YTHDF3: variants seen among roughly 807,000 people sequenced by gnomAD.
YTHDF3 encodes the protein YTH N6-methyladenosine RNA binding protein F3, also known as YTH domain-containing family protein 3.
In YTHDF3, 9 loss-of-function variants were observed where a neutral mutation model predicts 52.5. The ratio of observed to expected loss-of-function variants is 0.17; its 90% confidence interval spans 0.10 to 0.30. The LOEUF (loss-of-function observed/expected upper bound fraction) is 0.30. Ranked by LOEUF, YTHDF3 falls within the 10% of genes least tolerant of loss-of-function variation. The probability of loss-of-function intolerance (pLI) is 1.00; values close to 1 mark genes in which losing one functional copy is unlikely to be tolerated. For missense variants in YTHDF3, 534 were observed against 715.0 expected (o/e 0.75, Z 2.89); for synonymous variants, 274 against 243.3 (o/e 1.13, Z -1.18).
intron 4 of YTHDF3, among the ~76,000 whole-genome samples, chr8:63,189,958 A>G (rs909296839): frequency 6.6e-6 from 1 of 152,202 alleles, no homozygotes; most frequent in East Asian, 1.9e-4. Context: ...TGGGATCAAA[A>G]GTAGCTACTG....
chr8:63,169,553 G>A lies in YTHDF3; in HGVS notation c.49+142G>A, dbSNP rs979965369. On this transcript the variant is annotated intron_variant, in intron 2 of 4. Transcript: ENST00000539294. The stretch of plus-strand genomic sequence containing the variant: ...GAAAATATTCATCATGGCTAAGGTA[G>A]CCAAGTTCTATCCAGAACTTCGGTA... 2.6e-5 allele frequency: 24 copies of A among 916,134 alleles called. No individual in the cohort carries two copies. In the East Asian group the frequency reaches 6.4e-4, roughly 24 times the overall value. 56.8% of individuals were successfully genotyped at this position (916,134 alleles called of 1,614,324 possible).
intron 4 of YTHDF3, among the ~76,000 whole-genome samples, chr8:63,204,912 T>C (rs1809914699): frequency 6.6e-6 from 1 of 152,230 alleles, no homozygotes; most frequent in Admixed American, 6.5e-5. Flanking sequence ...AAGTCATTTA[T>C]CTGTCTTGTC....
In YTHDF3 at chr8:63,186,950, G is replaced by A. The variant is rs1451226955; in HGVS notation, c.939G>A (p.Leu313=). ...QPQPLIQPPP[L]VQSQLPQQQP... ...AGCCATTAATTCAACCACCACCATT[G>A]GTGCAAAGCCAACTGCCTCAACAGC... Residue 313 remains leucine, a synonymous_variant, in exon 4 of 5, where the codon TTG becomes TTA. Coordinates refer to ENST00000539294, the MANE Select transcript of YTHDF3 (RefSeq NM_152758.6). The A allele has an allele frequency of 6.2e-7, 1 of 1,613,818 alleles. No individual in the cohort carries two copies. Among genetic ancestry groups the A allele is most frequent in the African/African-American group, 1.3e-5 (1 of 75,018 alleles).
intron 3 of YTHDF3, 44 bp from the exon 4 acceptor site, chr8:63,186,103 T>C: frequency 6.6e-7 from 1 of 1,523,906 alleles, no homozygotes; most frequent in Non-Finnish European, 8.9e-7. Context: ...TTTTGCTCTT[T>C]TAAGAGGACA....
At chr8:63,172,476 G>T (rs188800766) in intron 2 of YTHDF3, among the ~76,000 whole-genome samples, 197 of 152,054 alleles carry the variant, frequency 1.3e-3, no homozygotes, top group Middle Eastern at 3.4e-3. Flanking sequence ...TTTAATTTTC[G>T]AAAAGTAGTG....
At chr8:63,168,989 C>G in intron 1 of YTHDF3, 88 bp downstream of exon 1, 1 of 1,510,050 alleles carries the variant, frequency 6.6e-7, no homozygotes, top group Non-Finnish European at 8.8e-7. Flanking sequence ...CCCGTCGCCG[C>G]CGCTGCCGGC....
intron 4 of YTHDF3, among the ~76,000 whole-genome samples, chr8:63,193,000 G>T (rs1427674404): frequency 6.6e-6 from 1 of 152,008 alleles, no homozygotes; most frequent in Non-Finnish European, 1.5e-5. Flanking sequence ...CTCAACCTTG[G>T]GGGAGGCAGC....
At chr8:63,206,922 ATTCTT>A (rs1810070916) in intron 4 of YTHDF3, among the ~76,000 whole-genome samples, 1 of 152,068 alleles carries the variant, frequency 6.6e-6, no homozygotes, top group Non-Finnish European at 1.5e-5. Context: ...CTGTGTACTA[ATTCTT>A]TGACATTTAC....
chr8:63,169,490 T>G (rs2129941128), intron 2 of YTHDF3, 79 bp downstream of exon 2: 1 of 1,461,104 alleles, frequency 6.8e-7, no homozygotes, highest in East Asian at 2.4e-5. Flanking sequence ...GTATTTTGTT[T>G]GTTTTTGCTC....
chr8:63,178,341 CTA>C (rs1056191101), intron 3 of YTHDF3, among the ~76,000 whole-genome samples: 28 of 151,596 alleles, frequency 1.8e-4, no homozygotes, highest in Non-Finnish European at 3.5e-4. Flanking sequence ...TTTATCTGTT[CTA>C]TATATTGGAA....
rs1393887981 is a variant in YTHDF3, at chr8:63,210,558, C to T, written c.*852C>T. ...CTTAATTCCTATTTCTGGGTGTTTG[C>T]GAGCCTGATTGCTATCATGAAGTAA... On this transcript the variant is annotated 3_prime_UTR_variant, in exon 5 of 5. Coordinates refer to ENST00000539294, the MANE Select transcript of YTHDF3 (RefSeq NM_152758.6). 6.6e-6 allele frequency: 1 copy of T among 152,516 alleles called. No individual in the cohort carries two copies. 9.4% of individuals were successfully genotyped at this position (152,516 alleles called of 1,614,324 possible). A position where few individuals can be genotyped will look rare whatever the true frequency, so the allele number is the denominator to read the frequency against.
intron 3 of YTHDF3, among the ~76,000 whole-genome samples, chr8:63,183,117 T>C (rs1808260570): frequency 6.6e-6 from 1 of 152,054 alleles, no homozygotes; most frequent in African/African-American, 2.4e-5. Flanking sequence ...TATGCTCCCA[T>C]GGCCAGCTAA....
intron 3 of YTHDF3, among the ~76,000 whole-genome samples, chr8:63,182,890 A>G (rs1365998716): frequency 6.6e-6 from 1 of 150,780 alleles, no homozygotes. Context: ...TGAAATAGTT[A>G]AAATTATAAA....
chr8:63,197,769 G>T (rs1305858504), intron 4 of YTHDF3, among the ~76,000 whole-genome samples: 1 of 151,902 alleles, frequency 6.6e-6, no homozygotes, highest in African/African-American at 2.4e-5. Flanking sequence ...AATAATAGAA[G>T]GGAAAAGAAA....
intron 2 of YTHDF3, among the ~76,000 whole-genome samples, chr8:63,171,672 A>G (rs1807335932): frequency 6.6e-6 from 1 of 152,190 alleles, no homozygotes; most frequent in Admixed American, 6.5e-5. Flanking sequence ...CCCAGCTCGT[A>G]AAATTGTTTT....
At chr8:63,181,265 T>C (rs1808115296) in intron 3 of YTHDF3, among the ~76,000 whole-genome samples, 1 of 152,226 alleles carries the variant, frequency 6.6e-6, no homozygotes, top group African/African-American at 2.4e-5. Context: ...TCATTAGTTT[T>C]GTCTATTGAA....
intron 4 of YTHDF3, among the ~76,000 whole-genome samples, chr8:63,206,204 G>A (rs1444149698): frequency 6.6e-6 from 1 of 152,062 alleles, no homozygotes; most frequent in Non-Finnish European, 1.5e-5. Flanking sequence ...CTCCTGAGTA[G>A]CTAGGATTAC....
upstream of YTHDF3, chr8:63,168,611 G>A (rs936427251): frequency 8.3e-6 from 5 of 602,478 alleles, no homozygotes; most frequent in Non-Finnish European, 1.4e-5. Context: ...GGGAGGCTCG[G>A]AGCGGAAGTG....
chr8:63,193,147 G>A (rs1396959201), intron 4 of YTHDF3, among the ~76,000 whole-genome samples: 2 of 152,110 alleles, frequency 1.3e-5, no homozygotes, highest in East Asian at 3.9e-4. Context: ...GGAGGCCCAG[G>A]CGCATGGATT....
Sources: gnomAD v4.1 joint callset for allele counts (sites outside exome capture counted in the v4.1 genomes callset) on GRCh38, gnomAD v4.1.1 for gene constraint, MANE v1.5 for transcripts, NCBI Gene and HGNC (gene_info 2026-07-23, HGNC 2026-07-21) for gene names.